The following HSD17B2 variants were observed in gnomAD, a reference collection of about 807,000 sequenced individuals.
HSD17B2 encodes the protein 17-beta-hydroxysteroid dehydrogenase type 2.
HSD17B2 carries 32 observed loss-of-function variants against 26.9 expected under a neutral mutation model. The ratio of observed to expected loss-of-function variants is 1.19; its 90% CI spans 0.90 to 1.60. The LOEUF is 1.60. Among genes scored for constraint, HSD17B2 ranks in the 40% most tolerant of loss-of-function variants. The pLI is 0.00. For missense variants in HSD17B2, 613 were observed against 468.6 expected (o/e 1.31, Z -2.85); for synonymous variants, 246 against 186.7 (o/e 1.32, Z -2.59).
At chr16:82,086,013 T>G (rs1389171294) in intron 3 of HSD17B2, among the ~76,000 whole-genome samples, 3 of 152,074 alleles carry the variant, frequency 2.0e-5, no homozygotes, top group African/African-American at 7.3e-5. Context: ...TGGAACCCTC[T>G]TATACTACTG....
chr16:82,059,633 C>A (rs1914376018), intron 1 of HSD17B2, among the ~76,000 whole-genome samples: 1 of 152,006 alleles, frequency 6.6e-6, no homozygotes, highest in South Asian at 2.1e-4. Context: ...TTTTTAGGAC[C>A]TAACACAATG....
rs1904917184 is a variant in HSD17B2 at position 82,098,310 on chromosome 16, G to C, written c.1038G>C (p.Leu346Phe). The change falls in exon 5 of 5, where the codon TTG becomes TTC. Residue 346 changes from leucine (L) to phenylalanine (F), a missense_variant. Physicochemically the swap from Leu to Phe is conservative, Grantham distance 22. Transcript: ENST00000199936. ...AYYTPGKGAYLWICLAHYLPI... is the reference protein window; with the variant it reads ...AYYTPGKGAYFWICLAHYLPI... ...ACACGCCAGGGAAAGGCGCTTACTT[G>C]TGGATCTGCCTTGCTCACTATTTGC... 6.2e-6 allele frequency: 10 copies of C among 1,614,226 alleles called. No individual in the cohort carries two copies. The highest frequency in any genetic ancestry group is 7.6e-6 in the Non-Finnish European group (9 of 1,180,024).
intron 4 of HSD17B2, chr16:82,096,781 G>A (rs929246188): frequency 8.6e-5 from 13 of 152,006 alleles, no homozygotes; most frequent in African/African-American, 2.7e-4. Context: ...TTTATGCAAC[G>A]GAATACTATG....
At chr16:82,059,891 GT>G (rs1274552013) in intron 1 of HSD17B2, among the ~76,000 whole-genome samples, 1 of 152,070 alleles carries the variant, frequency 6.6e-6, no homozygotes, top group Non-Finnish European at 1.5e-5. Flanking sequence ...TAAAGGTTAT[GT>G]TCCAAGAAAA....
chr16:82,059,583 G>A (rs139163867), intron 1 of HSD17B2, among the ~76,000 whole-genome samples: 275 of 152,228 alleles, frequency 1.8e-3, no homozygotes, highest in African/African-American at 6.3e-3. Flanking sequence ...ATCAGTATGC[G>A]TCATGAAGCC....
intron 1 of HSD17B2, among the ~76,000 whole-genome samples, chr16:82,047,620 G>A (rs1313429964): frequency 6.6e-6 from 1 of 152,200 alleles, no homozygotes; most frequent in Non-Finnish European, 1.5e-5. Flanking sequence ...TGGGGTAGAG[G>A]CCATGAGTTG....
rs1258928388 is a variant in HSD17B2 at position 82,098,386 on chromosome 16, C to T, written c.1114C>T (p.Pro372Ser). Reference protein sequence around the residue: ...FAKRHFGQDKPMPRALRMPNY... With the variant: ...FAKRHFGQDKSMPRALRMPNY... ...TAAAAGACATTTTGGCCAAGACAAG[C>T]CCATGCCCAGAGCTCTAAGAATGCC... is the stretch of plus-strand genomic sequence containing the variant. Residue 372 changes from proline (P) to serine (S), a missense_variant, in exon 5 of 5, where the codon CCC (proline) becomes TCC (serine). Physicochemically the swap from Pro to Ser is moderately conservative, Grantham distance 74. Transcript: ENST00000199936. 1 of 1,613,902 alleles carries T rather than the reference C, an allele frequency of 6.2e-7. No individual in the cohort carries two copies. The highest frequency in any genetic ancestry group is 1.7e-5 in the Admixed American group (1 of 60,010).
At chr16:82,071,506 C>T (rs1363170801) in intron 3 of HSD17B2, 1 of 339,894 alleles carries the variant, frequency 2.9e-6, no homozygotes, top group Non-Finnish European at 5.7e-6. Context: ...TGTTCAGTTC[C>T]CTGTAAGCTG....
chr16:82,089,401 C>A (rs1904619535), intron 3 of HSD17B2, among the ~76,000 whole-genome samples: 1 of 152,126 alleles, frequency 6.6e-6, no homozygotes, highest in Non-Finnish European at 1.5e-5. Flanking sequence ...AAATCTTTGC[C>A]AAGCCTGGGA....
At chr16:82,058,844 G>A (rs1017557891) in intron 1 of HSD17B2, among the ~76,000 whole-genome samples, 3 of 152,230 alleles carry the variant, frequency 2.0e-5, no homozygotes, top group Admixed American at 2.0e-4. Flanking sequence ...GCGGGGCTCA[G>A]GGAGGGTGAT....
chr16:82,071,025 T>C lies in HSD17B2; in HGVS notation c.562T>C (p.Cys188Arg). The C allele has an allele frequency of 1.9e-6, 3 of 1,614,232 alleles. No individual in the cohort carries two copies. The highest frequency in any genetic ancestry group is 1.1e-5 in the South Asian group (1 of 91,092). ...ELLLMTDYKQ[C>R]MAVNFFGTVE... ...TCTTCTTATGACTGACTACAAACAA[T>C]GCATGGCCGTGAACTTCTTTGGAAC... Residue 188 changes from cysteine (C) to arginine (R), a missense_variant, in exon 3 of 5, where the codon TGC becomes CGC. By Grantham distance (180) the Cys-to-Arg change is radical. Transcript: ENST00000199936.
intron 3 of HSD17B2, chr16:82,071,931 A>T (rs2143986215): frequency 6.6e-6 from 1 of 152,346 alleles, no homozygotes; most frequent in Non-Finnish European, 1.5e-5. Flanking sequence ...TCACTGTTGG[A>T]TCAATTAATT....
chr16:82,052,839 G>A (rs1004891362), intron 1 of HSD17B2, among the ~76,000 whole-genome samples: 4 of 152,214 alleles, frequency 2.6e-5, no homozygotes, highest in African/African-American at 9.6e-5. Context: ...TAAAACAGCA[G>A]AAATTTATTC....
rs576690467 is a variant in HSD17B2 at position 82,087,861 on chromosome 16, G to A, written c.665-3041G>A. Among the ~76,000 whole-genome samples, 3 of 152,110 alleles carry A rather than the reference G, an allele frequency of 2.0e-5. No homozygotes were observed. In the South Asian group the frequency reaches 6.2e-4, roughly 32 times the overall value. ...AGAAAGAGAAAGAGAGCGAAAGGGGGCCAAAATCCCCTTTTTATGACGACC... is the reference window on the plus strand; with the variant it reads ...AGAAAGAGAAAGAGAGCGAAAGGGGACCAAAATCCCCTTTTTATGACGACC... On this transcript the variant is annotated intron_variant, in intron 3 of 4. Coordinates refer to ENST00000199936, the MANE Select transcript of HSD17B2 (RefSeq NM_002153.3).
At chr16:82,046,207 C>T (rs1913923682) in intron 1 of HSD17B2, among the ~76,000 whole-genome samples, 1 of 151,992 alleles carries the variant, frequency 6.6e-6, no homozygotes, top group Admixed American at 6.6e-5. Context: ...AAGGCCCTGC[C>T]TCATGAAGCT....
chr16:82,043,902 G>A (rs1224129968), intron 1 of HSD17B2, among the ~76,000 whole-genome samples: 1 of 152,028 alleles, frequency 6.6e-6, no homozygotes, highest in Non-Finnish European at 1.5e-5. Flanking sequence ...TATAATGAGC[G>A]AACTATTCTT....
chr16:82,058,075 T>TC (rs1914326814), intron 1 of HSD17B2, among the ~76,000 whole-genome samples: 1 of 151,452 alleles, frequency 6.6e-6, no homozygotes, highest in Admixed American at 6.6e-5. Flanking sequence ...TTGTTAATTT[T>TC]TTTTTTTTTT....
At chr16:82,081,071 T>A (rs1277145045) in intron 3 of HSD17B2, among the ~76,000 whole-genome samples, 1 of 152,104 alleles carries the variant, frequency 6.6e-6, no homozygotes, top group Non-Finnish European at 1.5e-5. Flanking sequence ...TTCCCTCTCC[T>A]TCCTTCTCCC....
At chr16:82,076,676 G>A (rs1461939930) in intron 3 of HSD17B2, among the ~76,000 whole-genome samples, 3 of 152,202 alleles carry the variant, frequency 2.0e-5, no homozygotes, top group Non-Finnish European at 4.4e-5. Flanking sequence ...CTGGATTTAG[G>A]TGATTCTTCT....
Sources: allele counts gnomAD v4.1 joint callset (sites outside exome capture counted in the v4.1 genomes callset), GRCh38; gene constraint gnomAD v4.1.1; transcripts MANE v1.5; gene names NCBI Gene and HGNC (gene_info 2026-07-23, HGNC 2026-07-21).